RRBP1: variants seen among roughly 807,000 people sequenced by gnomAD.
RRBP1 encodes the protein ribosome binding protein 1.
A neutral mutation model predicts 165.2 loss-of-function variants in RRBP1; 94 were observed. That is an observed-to-expected ratio of 0.57 (90% CI 0.48 to 0.68). The LOEUF (loss-of-function observed/expected upper bound fraction) is 0.68. Ranked by LOEUF, RRBP1 falls within the 30% of genes least tolerant of loss-of-function variation. The pLI, the probability that RRBP1 is intolerant of heterozygous loss-of-function variation, is 0.00. For missense variants in RRBP1, 1,676 were observed against 1,763.0 expected (o/e 0.95, Z 0.88); for synonymous variants, 680 against 714.5 (o/e 0.95, Z 0.77).
At chr20:17,628,663 T>C (rs911310709) in intron 9 of RRBP1, among the ~76,000 whole-genome samples, 10 of 152,266 alleles carry the variant, frequency 6.6e-5, no homozygotes, top group African/African-American at 1.9e-4. Flanking sequence ...GCCACACTTG[T>C]TAGCCCATTT....
chr20:17,678,637 G>T (rs1600195392), intron 2 of RRBP1, among the ~76,000 whole-genome samples: 1 of 152,348 alleles, frequency 6.6e-6, no homozygotes, highest in East Asian at 1.9e-4. Flanking sequence ...GCACTGTCTA[G>T]AACTTTCTGT....
chr20:17,664,460 T>C (rs1459304465), intron 2 of RRBP1, among the ~76,000 whole-genome samples: 2 of 152,196 alleles, frequency 1.3e-5, no homozygotes, highest in Non-Finnish European at 2.9e-5. Flanking sequence ...GCTAACATAC[T>C]CAGACTGTAA....
chr20:17,646,417 G>A (rs2036463388), intron 3 of RRBP1, among the ~76,000 whole-genome samples: 1 of 152,206 alleles, frequency 6.6e-6, no homozygotes, highest in Non-Finnish European at 1.5e-5. Context: ...TCAGAGCAAG[G>A]CCTCTGGGAC....
At chr20:17,678,402 C>T (rs573842186) in intron 2 of RRBP1, among the ~76,000 whole-genome samples, 5 of 152,312 alleles carry the variant, frequency 3.3e-5, no homozygotes, top group African/African-American at 1.2e-4. Flanking sequence ...TCTGTGTGGC[C>T]CCCCTCCCAC....
chr20:17,680,330 T>G (rs1450417645), intron 1 of RRBP1, among the ~76,000 whole-genome samples: 1 of 152,182 alleles, frequency 6.6e-6, no homozygotes, highest in Non-Finnish European at 1.5e-5. Flanking sequence ...GTCCTGGGTC[T>G]CTGGGGACAC....
chr20:17,681,267 A>G (rs1169243838), intron 1 of RRBP1, among the ~76,000 whole-genome samples: 1 of 147,884 alleles, frequency 6.8e-6, no homozygotes, highest in Non-Finnish European at 1.5e-5. Context: ...GGCTCCGCGC[A>G]GCCCAGCCGG....
At chr20:17,677,966 C>A (rs532881896) in intron 2 of RRBP1, among the ~76,000 whole-genome samples, 1 of 152,364 alleles carries the variant, frequency 6.6e-6, no homozygotes, top group African/African-American at 2.4e-5. Context: ...TACTTTGGAA[C>A]TGAAAAGGTT....
At chr20:17,639,894 CAAAA>C (rs11476981) in intron 5 of RRBP1, among the ~76,000 whole-genome samples, 4 of 98,786 alleles carry the variant, frequency 4.0e-5, no homozygotes, top group Admixed American at 1.0e-4. Flanking sequence ...ACTCCAGTCT[CAAAA>C]AAAAAAAAAA....
At chr20:17,630,069 A>G (rs1337449100) in intron 8 of RRBP1, 108 bp from the exon 9 acceptor site, 8 of 1,268,728 alleles carry the variant, frequency 6.3e-6, no homozygotes, top group Middle Eastern at 2.0e-4. Context: ...AGCCCCGTGC[A>G]GTCTCTGGTC....
At position 17,660,219 on chromosome 20, in the gene RRBP1, G is replaced by A. The variant is rs774473221; in HGVS notation, c.289C>T (p.Arg97Ter). The A allele has an allele frequency of 3.7e-6, 6 of 1,613,230 alleles. No individual in the cohort carries two copies. The highest frequency in any genetic ancestry group is 1.3e-5 in the African/African-American group (1 of 74,924). Residue 97 changes from arginine to a stop codon, truncating the protein, a stop_gained, in exon 3 of 25, where the codon CGA becomes TGA. Transcript: ENST00000377813. LOFTEE classifies it high-confidence loss of function. ...ACAGCAGGAGCCCGCACTGGTTCTCGAAGGAGGACAGTCACATTGGGGGCT... is the reference window on the plus strand; with the variant it reads ...ACAGCAGGAGCCCGCACTGGTTCTCAAAGGAGGACAGTCACATTGGGGGCT... ...DPAPNVTVLL[R>*]EPVRAPAVAV...
Position 17,620,281 on chromosome 20 carries a change from TC to T in RRBP1, c.3579+17del. 6.3e-7 allele frequency: 1 copy of T among 1,596,292 alleles called. No individual in the cohort carries two copies. ...GCTCCCGGGACAAGAGAAAGAGTTC[TC>T]TGAGCAGAGCACATACCTGGTCCGA... On this transcript the variant is annotated intron_variant, in intron 18 of 24. Transcript: ENST00000377813.
intron 7 of RRBP1, 62 bp downstream of exon 7, chr20:17,635,484 C>T (rs1020862607): frequency 7.6e-5 from 98 of 1,282,410 alleles, no homozygotes; most frequent in African/African-American, 4.0e-4. Flanking sequence ...GCCGCAGCCT[C>T]GTGAAGCCTT....
In RRBP1 at chr20:17,621,733, G is replaced by A. The variant is rs763642782; in HGVS notation, c.3281C>T (p.Pro1094Leu). The A allele has an allele frequency of 8.9e-5, 143 of 1,613,726 alleles. 2 individuals are homozygous for A. Among genetic ancestry groups the A allele is most frequent in the South Asian group, 6.3e-4 (57 of 91,088 alleles). ...AGCTGGCGGGTGCTTCAGCAGCGTG[G>A]GGCCTTTCTCTTTGAGATCCTGCAG... is the stretch of plus-strand genomic sequence containing the variant. ...EWLQDLKEKG[P>L]TLLKHPPAPA... Residue 1094 changes from proline to leucine, a missense_variant, in exon 15 of 25, where the codon CCC becomes CTC. Around this residue, in one of 5 missense-constraint regions of RRBP1, gnomAD observed 1,184 missense variants for 1,167.1 expected, o/e 1.01. Transcript: ENST00000377813.
At position 17,641,746 on chromosome 20, in the gene RRBP1, C is replaced by T. The variant is rs538649978; in HGVS notation, c.2184+51G>A. 17 of 1,603,992 alleles carry T rather than the reference C, an allele frequency of 1.1e-5. No homozygotes were observed. The African/African-American group carries it at 1.1e-4, about 10-fold the overall frequency. Reference sequence around the variant, plus strand: ...GATCCACCGTGGATGGGGCGGGGGTCCTCTGAGGACGGGAGAGGACAAACC... The same window carrying T: ...GATCCACCGTGGATGGGGCGGGGGTTCTCTGAGGACGGGAGAGGACAAACC... On this transcript the variant is annotated intron_variant, in intron 5 of 24. Coordinates refer to ENST00000377813, the MANE Select transcript of RRBP1 (RefSeq NM_001365613.2).
chr20:17,617,585 T>G (rs4814629), intron 20 of RRBP1, among the ~76,000 whole-genome samples: 2 of 152,228 alleles, frequency 1.3e-5, no homozygotes, highest in Non-Finnish European at 2.9e-5. Flanking sequence ...TCTCTGCACA[T>G]CCCCGGCCTG....
rs1291392013 is a variant in RRBP1, at chr20:17,643,168, AGCCACAACACACGTGGCCACAAT to A, written c.1913-64_1913-42del. ...GAAAGAGCTGAGACTTAGGCCCATA[AGCCACAACACACGTGGCCACAAT>A]GCCCATCACACCAAGAAGGTTCTGG... On this transcript the variant is annotated intron_variant, in intron 3 of 24. Coordinates refer to ENST00000377813, the MANE Select transcript of RRBP1 (RefSeq NM_001365613.2). The surrounding 1 kb of genome is among the most constrained non-coding windows in gnomAD (Gnocchi z 4.3). The A allele has an allele frequency of 1.2e-6, 2 of 1,602,508 alleles. No individual in the cohort carries two copies. Among genetic ancestry groups the A allele is most frequent in the Admixed American group, 3.4e-5 (2 of 59,554 alleles).
At chr20:17,657,221 G>A (rs370397814) in intron 3 of RRBP1, among the ~76,000 whole-genome samples, 16 of 152,344 alleles carry the variant, frequency 1.1e-4, no homozygotes, top group South Asian at 1.0e-3. Context: ...AGGCCAGAGC[G>A]TCTGGGTTTT....
intron 3 of RRBP1, among the ~76,000 whole-genome samples, chr20:17,657,499 C>T (rs988587499): frequency 3.3e-5 from 5 of 151,812 alleles, no homozygotes; most frequent in African/African-American, 9.7e-5. Flanking sequence ...AGATACCCTT[C>T]GTCAACACAA....
chr20:17,656,204 T>A (rs1452510311), intron 3 of RRBP1, among the ~76,000 whole-genome samples: 2 of 152,180 alleles, frequency 1.3e-5, no homozygotes, highest in East Asian at 3.8e-4. Context: ...TCCCCATGTT[T>A]TCTAGACTGC....
Sources: gnomAD v4.1 joint callset for allele counts (sites outside exome capture counted in the v4.1 genomes callset) on GRCh38, gnomAD v4.1.1 for gene constraint, gnomAD v4.1.1 regional missense constraint, Gnocchi (gnomAD v3.1) non-coding constraint, MANE v1.5 for transcripts, NCBI Gene and HGNC (gene_info 2026-07-23, HGNC 2026-07-21) for gene names.